GSG1L: variants seen among roughly 807,000 people sequenced by gnomAD.
GSG1L encodes the protein germ cell-specific gene 1-like protein.
A neutral mutation model predicts 42.1 loss-of-function variants in GSG1L; 24 were observed. The observed-to-expected ratio is 0.57, with a 90% CI of 0.41 to 0.80. The LOEUF (loss-of-function observed/expected upper bound fraction) is 0.80, where lower values mean the gene tolerates loss of function less well. Among genes scored for constraint, GSG1L ranks in the 30% least tolerant of loss-of-function variants. GSG1L has a pLI of 0.00. For synonymous variants in GSG1L, 215 were observed against 203.5 expected, an observed-to-expected ratio of 1.06 and a Z score of -0.48; for missense variants, 445 against 472.2, an observed-to-expected ratio of 0.94 and a Z score of 0.53.
At chr16:28,027,469 T>A (rs79198948) in intron 1 of GSG1L, among the ~76,000 whole-genome samples, 6,867 of 152,224 alleles carry the variant, frequency 0.045, 506 homozygotes, top group African/African-American at 0.16. Flanking sequence ...AGCAGCACCA[T>A]ACAATCTGGT....
At chr16:27,890,015 A>G (rs2141031512) in intron 2 of GSG1L, among the ~76,000 whole-genome samples, 1 of 152,274 alleles carries the variant, frequency 6.6e-6, no homozygotes, top group East Asian at 1.9e-4. Flanking sequence ...ATTCAAACTC[A>G]TGCCTCTCTG....
At chr16:27,831,034 G>A (rs1462368942) in intron 4 of GSG1L, among the ~76,000 whole-genome samples, 1 of 152,238 alleles carries the variant, frequency 6.6e-6, no homozygotes, top group Non-Finnish European at 1.5e-5. Context: ...TAATGAAAAT[G>A]CTGCTTTTCT....
intron 6 of GSG1L, among the ~76,000 whole-genome samples, chr16:27,798,073 G>T (rs1038614608): frequency 6.6e-6 from 1 of 152,118 alleles, no homozygotes; most frequent in Non-Finnish European, 1.5e-5. Flanking sequence ...TACCTACAGG[G>T]TACGTTGTTC....
intron 2 of GSG1L, among the ~76,000 whole-genome samples, chr16:27,893,502 T>C (rs2084154277): frequency 6.6e-6 from 1 of 152,240 alleles, no homozygotes; most frequent in Admixed American, 6.5e-5. Context: ...AGCCCGACAT[T>C]TGGAAAGAGT....
At chr16:27,892,218 G>A (rs2084137303) in intron 2 of GSG1L, among the ~76,000 whole-genome samples, 1 of 152,076 alleles carries the variant, frequency 6.6e-6, no homozygotes, top group Non-Finnish European at 1.5e-5. Flanking sequence ...GCTTTGAGAG[G>A]CCGAGCTGGG....
chr16:28,016,065 AC>A (rs1156446305), intron 1 of GSG1L, among the ~76,000 whole-genome samples: 1 of 152,192 alleles, frequency 6.6e-6, no homozygotes, highest in Non-Finnish European at 1.5e-5. Context: ...GCCTCGGCTC[AC>A]TGCAGCCTCC....
At chr16:27,959,275 T>G in intron 2 of GSG1L, among the ~76,000 whole-genome samples, 2 of 146,020 alleles carry the variant, frequency 1.4e-5, no homozygotes, top group Non-Finnish European at 1.5e-5. Flanking sequence ...CTGGGCAACA[T>G]GACGAAACCC....
intron 6 of GSG1L, among the ~76,000 whole-genome samples, chr16:27,796,220 A>G (rs534645425): frequency 1.3e-5 from 2 of 152,332 alleles, no homozygotes; most frequent in South Asian, 2.1e-4. Context: ...CTCTCTCTAT[A>G]GGACTCACAG....
intron 1 of GSG1L, among the ~76,000 whole-genome samples, chr16:28,041,213 G>C (rs1254268081): frequency 1.3e-5 from 2 of 152,146 alleles, no homozygotes; most frequent in Non-Finnish European, 2.9e-5. Flanking sequence ...CACTTTGGGA[G>C]GCTGAGGTAG....
chr16:27,819,248 TA>T (rs57616813), intron 5 of GSG1L, among the ~76,000 whole-genome samples: 58,339 of 143,522 alleles, frequency 0.41, 11,346 homozygotes, highest in Admixed American at 0.45. Context: ...GACTCTGTCT[TA>T]AAAAAAAAAA....
At chr16:27,812,224 A>T (rs2083039278) in intron 5 of GSG1L, among the ~76,000 whole-genome samples, 1 of 152,076 alleles carries the variant, frequency 6.6e-6, no homozygotes, top group South Asian at 2.1e-4. Flanking sequence ...GACCACAGGG[A>T]CCACCCAGAA....
intron 2 of GSG1L, among the ~76,000 whole-genome samples, chr16:27,943,484 C>CA (rs1450960851): frequency 6.7e-6 from 1 of 148,376 alleles, no homozygotes; most frequent in Non-Finnish European, 1.5e-5. Context: ...CACATTTAGG[C>CA]AAAAAATTCG....
At chr16:27,878,290 T>C (rs2083911459) in intron 3 of GSG1L, among the ~76,000 whole-genome samples, 1 of 152,172 alleles carries the variant, frequency 6.6e-6, no homozygotes, top group African/African-American at 2.4e-5. Context: ...TTGTGTGGCT[T>C]GGGAGGCCTC....
chr16:27,979,820 AAGAAAG>A lies in GSG1L; in HGVS notation c.350-16623_350-16618del, dbSNP rs1477976831. On this transcript the variant is annotated intron_variant, in intron 1 of 6. Coordinates refer to ENST00000447459, the MANE Select transcript of GSG1L (RefSeq NM_001109763.2). ...AGGAAAGAAAGAAAGAAAGAAAAGA[AAGAAAG>A]AGAGAGAGAGAGAGAAAGGAAGGAA... is the stretch of plus-strand genomic sequence containing the variant. Among the ~76,000 whole-genome samples the A allele has an allele frequency of 1.0e-3, 116 of 115,910 alleles. 1 individual carries two copies. The highest frequency in any genetic ancestry group is 3.5e-3 in the African/African-American group (106 of 30,168). 76.0% of individuals were successfully genotyped at this position (115,910 alleles called of 152,430 possible).
At chr16:27,866,959 C>T (rs1478056125) in intron 3 of GSG1L, among the ~76,000 whole-genome samples, 1 of 152,200 alleles carries the variant, frequency 6.6e-6, no homozygotes, top group African/African-American at 2.4e-5. Flanking sequence ...CCCCTGCATT[C>T]CCCACCAGTG....
intron 3 of GSG1L, among the ~76,000 whole-genome samples, chr16:27,883,627 T>C (rs2083989605): frequency 6.6e-6 from 1 of 152,228 alleles, no homozygotes; most frequent in Non-Finnish European, 1.5e-5. Context: ...GCGTGAAGAA[T>C]AGGATTAAAT....
chr16:27,860,058 G>C (rs74013599), intron 3 of GSG1L, among the ~76,000 whole-genome samples: 2,531 of 152,252 alleles, frequency 0.017, 69 homozygotes, highest in African/African-American at 0.058. Context: ...CTCAGAGCTG[G>C]GTTTAGGACT....
chr16:27,844,002 T>C (rs919767414), intron 4 of GSG1L, among the ~76,000 whole-genome samples: 4 of 152,030 alleles, frequency 2.6e-5, no homozygotes, highest in African/African-American at 9.7e-5. Context: ...AAAGTAAACA[T>C]GTGGAGGGTG....
intron 2 of GSG1L, among the ~76,000 whole-genome samples, chr16:27,941,744 T>G (rs1242355898): frequency 6.6e-6 from 1 of 151,808 alleles, no homozygotes; most frequent in African/African-American, 2.4e-5. Flanking sequence ...AAACCAGGTG[T>G]GTTACATCCA....
Sources: allele counts gnomAD v4.1 joint callset (sites outside exome capture counted in the v4.1 genomes callset), GRCh38; gene constraint gnomAD v4.1.1; transcripts MANE v1.5; gene names NCBI Gene and HGNC (gene_info 2026-07-23, HGNC 2026-07-21).